Variants in EFHB observed in about 807,000 individuals in gnomAD.
EFHB encodes EF-hand domain family member B, also known as EF-hand domain-containing family member B.
A neutral mutation model predicts 87.2 loss-of-function variants in EFHB; 91 were observed. The observed-to-expected ratio is 1.04, with a 90% CI of 0.88 to 1.24. EFHB has a LOEUF of 1.24. Ranked by LOEUF, EFHB falls within the 50% of genes most tolerant of loss-of-function variation. The pLI is 0.00. For synonymous variants in EFHB, 325 were observed against 333.6 expected, an observed-to-expected ratio of 0.97 and a Z score of 0.28; for missense variants, 1,084 against 998.8, an observed-to-expected ratio of 1.09 and a Z score of -1.15.
intron 5 of EFHB, among the ~76,000 whole-genome samples, chr3:19,911,450 G>A (rs944471212): frequency 1.3e-5 from 2 of 151,772 alleles, no homozygotes; most frequent in African/African-American, 4.8e-5. Context: ...CCCTGCTACT[G>A]AGGAGGCTGA....
rs1695313439 is a variant in EFHB, at chr3:19,918,427, C to A, written c.997-15G>T. 1 of 1,570,574 alleles carries A rather than the reference C, an allele frequency of 6.4e-7. No homozygotes were observed. Among genetic ancestry groups the A allele is most frequent in the Non-Finnish European group, 8.6e-7 (1 of 1,163,128 alleles). On this transcript the variant is annotated splice_polypyrimidine_tract_variant and intron_variant, in intron 3 of 12. Coordinates refer to ENST00000295824, the MANE Select transcript of EFHB (RefSeq NM_144715.4). Reference sequence around the variant, plus strand: ...AATGTGTTTGCCTAAAGAAATCATACAATGCACAAATATATCAACAAAAAA... The same window carrying A: ...AATGTGTTTGCCTAAAGAAATCATAAAATGCACAAATATATCAACAAAAAA...
At chr3:19,907,315 T>C (rs1279076655) in intron 5 of EFHB, among the ~76,000 whole-genome samples, 5 of 152,194 alleles carry the variant, frequency 3.3e-5, no homozygotes, top group African/African-American at 1.2e-4. Flanking sequence ...ATTCAAAATT[T>C]ATAGAAAATA....
chr3:19,898,665 C>G (rs1694563964), intron 8 of EFHB, 113 bp downstream of exon 8: 9 of 1,065,824 alleles, frequency 8.4e-6, no homozygotes, highest in Non-Finnish European at 1.3e-5. Flanking sequence ...CATTTTAAGT[C>G]TTTAAAATTA....
Position 19,919,866 on chromosome 3 carries a change from CAAAT to C in EFHB, c.959_962del (p.Tyr320Ter). 2 of 1,613,506 alleles carry C rather than the reference CAAAT, an allele frequency of 1.2e-6. No homozygotes were observed. Among genetic ancestry groups the C allele is most frequent in the Non-Finnish European group, 1.7e-6 (2 of 1,179,590 alleles). ...AAATTTTAGATCTAATTCCATGTGT[CAAAT>C]AAGGTGCAATCTGGGGATCATTTGC... is the stretch of plus-strand genomic sequence containing the variant. On this transcript the variant is annotated frameshift_variant, in exon 3 of 13. Transcript: ENST00000295824. LOFTEE classifies it high-confidence loss of function.
intron 10 of EFHB, 44 bp from the exon 11 acceptor site, chr3:19,884,659 C>T: frequency 1.3e-6 from 2 of 1,553,870 alleles, no homozygotes; most frequent in East Asian, 2.2e-5. Flanking sequence ...GAATACATTA[C>T]TACTTAGTGC....
chr3:19,915,543 A>G, intron 4 of EFHB, 130 bp from the exon 5 acceptor site: 1 of 597,006 alleles, frequency 1.7e-6, no homozygotes, highest in East Asian at 3.0e-5. Flanking sequence ...CCGAGAGATC[A>G]CAAAGCCAAC....
At chr3:19,920,329 C>T (rs1695393486) in intron 2 of EFHB, among the ~76,000 whole-genome samples, 176 bp downstream of exon 2, 2 of 152,090 alleles carry the variant, frequency 1.3e-5, no homozygotes, top group South Asian at 4.2e-4. Context: ...AAATTGTAAG[C>T]CTGGGATTTT....
At chr3:19,912,135 C>T (rs1437879614) in intron 5 of EFHB, among the ~76,000 whole-genome samples, 4 of 151,992 alleles carry the variant, frequency 2.6e-5, no homozygotes, top group African/African-American at 9.7e-5. Context: ...CCAAAGAAGA[C>T]TACCTCAAGA....
At chr3:19,940,589 G>C in intron 1 of EFHB, 1 of 489,726 alleles carries the variant, frequency 2.0e-6, no homozygotes, top group Non-Finnish European at 4.1e-6. Flanking sequence ...ACCTGTCTCT[G>C]CTTCTCATCT....
intron 9 of EFHB, among the ~76,000 whole-genome samples, chr3:19,896,337 T>C (rs1020212863): frequency 2.6e-5 from 4 of 152,144 alleles, no homozygotes; most frequent in African/African-American, 9.7e-5. Context: ...TCTAACAAGT[T>C]CCCAAGTGAT....
At position 19,882,540 on chromosome 3, in the gene EFHB, T is replaced by C. The variant is rs762913843; in HGVS notation, c.2328+10A>G. The C allele has an allele frequency of 1.3e-6, 2 of 1,555,266 alleles. No individual in the cohort carries two copies. The highest frequency in any genetic ancestry group is 1.2e-5 in the South Asian group (1 of 80,260). ...AAACATTTCCATTTTTGTATGCTTATATGCTATACCTCTTCTTTTGATCTG... is the reference window on the plus strand; with the variant it reads ...AAACATTTCCATTTTTGTATGCTTACATGCTATACCTCTTCTTTTGATCTG... On this transcript the variant is annotated intron_variant, in intron 12 of 12. Coordinates refer to ENST00000295824, the MANE Select transcript of EFHB (RefSeq NM_144715.4).
intron 12 of EFHB, among the ~76,000 whole-genome samples, chr3:19,882,330 T>C (rs2306774): frequency 0.24 from 37,050 of 152,100 alleles, 5,161 homozygotes; most frequent in Non-Finnish European, 0.31. Flanking sequence ...GTGGACCATA[T>C]TGAATGTAAA....
chr3:19,944,715 C>G (rs1337801687), intron 1 of EFHB, among the ~76,000 whole-genome samples: 2 of 152,108 alleles, frequency 1.3e-5, no homozygotes, highest in Non-Finnish European at 2.9e-5. Context: ...AAGCAACATA[C>G]TGGAACGATG....
intron 1 of EFHB, among the ~76,000 whole-genome samples, chr3:19,942,761 T>C (rs1025834338): frequency 6.6e-6 from 1 of 152,136 alleles, no homozygotes; most frequent in African/African-American, 2.4e-5. Flanking sequence ...CAATTCACAA[T>C]AGAGTTCACA....
At chr3:19,930,483 A>G (rs1695791217) in intron 1 of EFHB, among the ~76,000 whole-genome samples, 1 of 152,258 alleles carries the variant, frequency 6.6e-6, no homozygotes, top group Admixed American at 6.5e-5. Context: ...AAAAAATTTC[A>G]TGATAGCTTT....
chr3:19,945,439 G>C (rs2125173522), intron 1 of EFHB, among the ~76,000 whole-genome samples: 1 of 152,302 alleles, frequency 6.6e-6, no homozygotes, highest in South Asian at 2.1e-4. Context: ...GTTGGGATTA[G>C]ACTTCAAATT....
intron 1 of EFHB, among the ~76,000 whole-genome samples, chr3:19,931,701 C>T (rs1695837365): frequency 6.6e-6 from 1 of 152,196 alleles, no homozygotes; most frequent in Non-Finnish European, 1.5e-5. Context: ...CTCAGACTTA[C>T]TTTTTTCTTC....
upstream of EFHB, chr3:19,934,299 T>C: frequency 6.9e-6 from 9 of 1,303,130 alleles, no homozygotes; most frequent in Non-Finnish European, 8.8e-6. Context: ...TCTCTCATTC[T>C]TCTCTCTCTC....
chr3:19,901,098 A>G (rs1346018082), intron 6 of EFHB, among the ~76,000 whole-genome samples: 1 of 152,210 alleles, frequency 6.6e-6, no homozygotes, highest in African/African-American at 2.4e-5. Context: ...ATACAGCAAT[A>G]TATAATTATT....
Sources: allele counts gnomAD v4.1 joint callset (sites outside exome capture counted in the v4.1 genomes callset), GRCh38; gene constraint gnomAD v4.1.1; transcripts MANE v1.5; gene names NCBI Gene and HGNC (gene_info 2026-07-23, HGNC 2026-07-21).